The following WWP1 variants were observed in gnomAD, a reference collection of about 807,000 sequenced individuals.
The protein encoded by WWP1 is NEDD4-like E3 ubiquitin-protein ligase WWP1.
WWP1 carries 49 observed loss-of-function variants against 130.6 expected under a neutral mutation model. The ratio of observed to expected loss-of-function variants is 0.38; its 90% CI spans 0.30 to 0.48. The LOEUF is 0.48. Ranked by LOEUF, WWP1 falls within the 20% of genes least tolerant of loss-of-function variation. The pLI is 0.99. For missense variants in WWP1, 809 were observed against 1,100.6 expected, an observed-to-expected ratio of 0.74 and a Z score of 3.75; for synonymous variants, 332 against 367.8, an observed-to-expected ratio of 0.90 and a Z score of 1.11.
chr8:86,411,551 A>G lies in WWP1; in HGVS notation c.738A>G (p.Ser246=). 1.2e-6 allele frequency: 2 copies of G among 1,611,014 alleles called. No individual in the cohort carries two copies. Among genetic ancestry groups the G allele is most frequent in the Admixed American group, 1.7e-5 (1 of 59,818 alleles). Residue 246 remains serine, a synonymous_variant, in exon 9 of 25, where the codon TCA becomes TCG. Transcript: ENST00000517970. ...EPADDTVNGE[S]SSFAPTDNAS... is the part of the protein sequence containing the mutation. ...TTCCCTTCTCAGTTAATGGAGAATC[A>G]TCCTCATTTGCACCAACTGATAATG...
At chr8:86,447,960 A>C (rs915251840) in intron 18 of WWP1, among the ~76,000 whole-genome samples, 188 bp from the exon 19 acceptor site, 4 of 152,170 alleles carry the variant, frequency 2.6e-5, no homozygotes, top group African/African-American at 9.7e-5. Context: ...GTGTTATAAA[A>C]TAGATTGTTT....
chr8:86,346,409 C>A (rs900978268), intron 1 of WWP1, among the ~76,000 whole-genome samples: 1 of 152,054 alleles, frequency 6.6e-6, no homozygotes, highest in South Asian at 2.1e-4. Context: ...GGCAACAGAG[C>A]GAGACTCTGT....
At chr8:86,398,738 G>GTTTA (rs1166232470) in intron 7 of WWP1, 100 bp downstream of exon 7, 3 of 1,277,468 alleles carry the variant, frequency 2.3e-6, no homozygotes, top group Non-Finnish European at 3.3e-6. Flanking sequence ...TTGCCACACA[G>GTTTA]TTTAGAAGCT....
At chr8:86,344,061 A>T (rs1411809908) in intron 1 of WWP1, among the ~76,000 whole-genome samples, 2 of 152,234 alleles carry the variant, frequency 1.3e-5, no homozygotes, top group African/African-American at 4.8e-5. Flanking sequence ...CTTTTAAAGA[A>T]GAAAGTCGTT....
At chr8:86,402,885 C>G (rs1808074005) in intron 8 of WWP1, among the ~76,000 whole-genome samples, 1 of 152,108 alleles carries the variant, frequency 6.6e-6, no homozygotes, top group African/African-American at 2.4e-5. Flanking sequence ...TCCCATCTTT[C>G]AGTATACAAA....
In WWP1 at chr8:86,380,826, T is replaced by G. The variant is rs899766326; in HGVS notation, c.171T>G (p.Ser57Arg). Reference sequence around the variant, plus strand: ...AAATTACGAAAACAGCAAAATCCAGTAGTTCTTCTAATCCAAAATGGGATG... The same window carrying G: ...AAATTACGAAAACAGCAAAATCCAGGAGTTCTTCTAATCCAAAATGGGATG... ...DGEITKTAKS[S>R]SSSNPKWDEQ... is the part of the protein sequence containing the mutation. Residue 57 changes from serine (S) to arginine (R), a missense_variant, in exon 4 of 25, where the codon AGT (serine) becomes AGG (arginine). By Grantham distance (110) the Ser-to-Arg change is moderately radical. Around this residue, in one of 3 missense-constraint regions of WWP1, gnomAD observed 262 missense variants for 346.0 expected, o/e 0.76. Coordinates refer to ENST00000517970, the MANE Select transcript of WWP1 (RefSeq NM_007013.4). The G allele has an allele frequency of 6.2e-7, 1 of 1,613,066 alleles. No homozygotes were observed. Among genetic ancestry groups the G allele is most frequent in the African/African-American group, 1.3e-5 (1 of 75,024 alleles).
At chr8:86,376,350 C>G (rs1006470747) in intron 3 of WWP1, among the ~76,000 whole-genome samples, 2 of 152,140 alleles carry the variant, frequency 1.3e-5, no homozygotes, top group African/African-American at 2.4e-5. Context: ...AGGTGGATCA[C>G]GTGAGGCCAG....
chr8:86,445,979 T>TC (rs1554574113), intron 18 of WWP1, among the ~76,000 whole-genome samples: 2 of 71,770 alleles, frequency 2.8e-5, no homozygotes, highest in Admixed American at 2.3e-4. Flanking sequence ...TTCTTTTCTT[T>TC]TTTTTTTTTT....
rs1401748996 is a variant in WWP1 at position 86,467,657 on chromosome 8, T to C, written c.*764T>C. The C allele has an allele frequency of 2.0e-5, 3 of 152,186 alleles. No homozygotes were observed. The highest frequency in any genetic ancestry group is 4.4e-5 in the Non-Finnish European group (3 of 67,998). 9.4% of individuals were successfully genotyped at this position (152,186 alleles called of 1,614,324 possible). Reference sequence around the variant, plus strand: ...TTGAGATGCTAGGTATTTGTGGAATTAAAAAGAATCAGGCTCTTTTGTACT... The same window carrying C: ...TTGAGATGCTAGGTATTTGTGGAATCAAAAAGAATCAGGCTCTTTTGTACT... On this transcript the variant is annotated 3_prime_UTR_variant, in exon 25 of 25. Transcript: ENST00000517970.
chr8:86,370,139 A>G (rs1457126544), intron 2 of WWP1, among the ~76,000 whole-genome samples: 4 of 152,154 alleles, frequency 2.6e-5, no homozygotes. Context: ...CACAAATATG[A>G]TTGTTTGATT....
intron 9 of WWP1, among the ~76,000 whole-genome samples, chr8:86,423,064 T>C (rs78112518): frequency 1.2e-5 from 1 of 86,498 alleles, no homozygotes; most frequent in South Asian, 3.6e-4. Flanking sequence ...GGTTTCTTCA[T>C]TTTTTTTTTT....
In WWP1 at chr8:86,398,593, A is replaced by C; in HGVS notation, c.494A>C (p.Asp165Ala). The C allele has an allele frequency of 1.2e-6, 2 of 1,612,982 alleles. No homozygotes were observed. The highest frequency in any genetic ancestry group is 1.7e-6 in the Non-Finnish European group (2 of 1,179,780). ...SPTIEIQENGDALHENGEPSA... is the reference protein window; with the variant it reads ...SPTIEIQENGAALHENGEPSA... ...TCAGTAGAAATACAGGAAAATGGTG[A>C]TGCCTTACATGAAAATGGAGAGCCT... The change falls in exon 7 of 25, where the codon GAT becomes GCT. Residue 165 changes from aspartate (D) to alanine (A), a missense_variant. Asp to Ala is a moderately radical substitution (Grantham distance 126, BLOSUM62 -2). This residue lies in a region of WWP1 where 262 missense variants were observed against 346.0 expected (regional missense o/e 0.76). Transcript: ENST00000517970.
chr8:86,359,110 T>C (rs1339232433), intron 1 of WWP1, among the ~76,000 whole-genome samples: 1 of 152,170 alleles, frequency 6.6e-6, no homozygotes, highest in Non-Finnish European at 1.5e-5. Flanking sequence ...GCAGCCAGAT[T>C]GGGGACAATT....
chr8:86,349,030 C>CTT (rs199963155), intron 1 of WWP1, among the ~76,000 whole-genome samples: 3 of 151,284 alleles, frequency 2.0e-5, no homozygotes, highest in Admixed American at 6.6e-5. Context: ...GCAACCAGAT[C>CTT]TTTTTTTTTG....
intron 21 of WWP1, 122 bp from the exon 22 acceptor site, chr8:86,457,799 T>A: frequency 1.4e-6 from 1 of 714,756 alleles, no homozygotes; most frequent in South Asian, 2.4e-5. Flanking sequence ...GATCATTATA[T>A]GCCATGCATA....
At chr8:86,367,830 A>G (rs1824057465) in intron 1 of WWP1, among the ~76,000 whole-genome samples, 1 of 152,196 alleles carries the variant, frequency 6.6e-6, no homozygotes, top group Admixed American at 6.5e-5. Flanking sequence ...AGGGCTTGTG[A>G]TAAGCACAGT....
intron 5 of WWP1, among the ~76,000 whole-genome samples, chr8:86,382,032 T>TA (rs1825013067): frequency 6.6e-6 from 1 of 152,178 alleles, no homozygotes; most frequent in East Asian, 1.9e-4. Context: ...TAGTTTATTG[T>TA]AAAAAACATG....
At chr8:86,439,319 G>A (rs1320622124) in intron 17 of WWP1, among the ~76,000 whole-genome samples, 1 of 150,276 alleles carries the variant, frequency 6.7e-6, no homozygotes, top group East Asian at 2.0e-4. Context: ...CTCCAGCCTG[G>A]GTGATGGAGC....
At chr8:86,373,428 T>C (rs145814822) in intron 2 of WWP1, among the ~76,000 whole-genome samples, 1 of 152,290 alleles carries the variant, frequency 6.6e-6, no homozygotes, top group African/African-American at 2.4e-5. Flanking sequence ...CCCACAACAA[T>C]GGCCAATTTG....
Sources: gnomAD v4.1 joint callset for allele counts (sites outside exome capture counted in the v4.1 genomes callset) on GRCh38, gnomAD v4.1.1 for gene constraint, gnomAD v4.1.1 regional missense constraint, MANE v1.5 for transcripts, NCBI Gene and HGNC (gene_info 2026-07-23, HGNC 2026-07-21) for gene names.